Variants in OVCH1 observed in about 807,000 individuals in gnomAD.
The protein encoded by OVCH1 is ovochymase-1.
A neutral mutation model predicts 138.4 loss-of-function variants in OVCH1; 139 were observed. The ratio of observed to expected loss-of-function variants is 1.00; its 90% CI spans 0.87 to 1.16. The LOEUF (loss-of-function observed/expected upper bound fraction) is 1.16, where lower values mean the gene tolerates loss of function less well. OVCH1 is among the 50% of genes most tolerant of loss of function. The pLI, the probability that OVCH1 is intolerant of heterozygous loss-of-function variation, is 0.00. For missense variants in OVCH1, 1,367 were observed against 1,357.9 expected, an observed-to-expected ratio of 1.01 and a Z score of -0.11; for synonymous variants, 453 against 467.8, an observed-to-expected ratio of 0.97 and a Z score of 0.41.
intron 16 of OVCH1, among the ~76,000 whole-genome samples, chr12:29,469,515 C>T (rs952522197): frequency 2.0e-5 from 3 of 152,102 alleles, no homozygotes; most frequent in African/African-American, 7.2e-5. Flanking sequence ...CAGGAACAAG[C>T]TCAGCACATC....
In OVCH1 at chr12:29,453,233, C is replaced by A. The variant is rs568147839; in HGVS notation, c.2530+1608G>T. Among the ~76,000 whole-genome samples the A allele has an allele frequency of 1.1e-3, 167 of 152,262 alleles. 1 individual carries two copies. Among genetic ancestry groups the A allele is most frequent in the African/African-American group, 3.9e-3 (164 of 41,542 alleles). ...ATCCCAAGTCCAGATTTACTTTTAA[C>A]CTAACTCTATGTATCCCCAGCTTTG... On this transcript the variant is annotated intron_variant, in intron 21 of 27. Transcript: ENST00000318184.
intron 16 of OVCH1, among the ~76,000 whole-genome samples, chr12:29,469,157 A>G (rs1942418759): frequency 6.6e-6 from 1 of 152,162 alleles, no homozygotes; most frequent in Non-Finnish European, 1.5e-5. Flanking sequence ...AGGGGGAAAA[A>G]TGTAACTTTA....
chr12:29,437,022 C>T (rs1034722501), intron 26 of OVCH1, among the ~76,000 whole-genome samples: 1 of 152,096 alleles, frequency 6.6e-6, no homozygotes, highest in African/African-American at 2.4e-5. Context: ...CTGACTGGTC[C>T]GTTTTTACAG....
At chr12:29,481,675 T>A (rs1942938954) in intron 8 of OVCH1, among the ~76,000 whole-genome samples, 1 of 152,188 alleles carries the variant, frequency 6.6e-6, no homozygotes, top group African/African-American at 2.4e-5. Flanking sequence ...TCTATGTGTT[T>A]CCTATGACTG....
intron 25 of OVCH1, among the ~76,000 whole-genome samples, chr12:29,440,951 T>C (rs990740674): frequency 2.0e-5 from 3 of 152,184 alleles, no homozygotes; most frequent in Non-Finnish European, 4.4e-5. Flanking sequence ...CTCTGGGCTT[T>C]TACTTCATTA....
intron 19 of OVCH1, among the ~76,000 whole-genome samples, chr12:29,461,532 C>T (rs1439425073): frequency 1.3e-5 from 2 of 152,042 alleles, no homozygotes; most frequent in Admixed American, 1.3e-4. Flanking sequence ...ATTCCTTTTC[C>T]CAAAGCCTTA....
chr12:29,473,440 C>CT (rs370896800), intron 14 of OVCH1, among the ~76,000 whole-genome samples: 13 of 152,166 alleles, frequency 8.5e-5, no homozygotes, highest in African/African-American at 3.1e-4. Flanking sequence ...GTTCATTACT[C>CT]TATTTTTATT....
chr12:29,456,913 T>C (rs1245116517), intron 19 of OVCH1, among the ~76,000 whole-genome samples: 2 of 152,210 alleles, frequency 1.3e-5, no homozygotes, highest in Non-Finnish European at 2.9e-5. Flanking sequence ...ATCAGGTCTT[T>C]TGCAGGAAGT....
At chr12:29,458,633 A>C (rs1942030279) in intron 19 of OVCH1, among the ~76,000 whole-genome samples, 1 of 152,212 alleles carries the variant, frequency 6.6e-6, no homozygotes, top group Non-Finnish European at 1.5e-5. Flanking sequence ...ACCAAAGCAA[A>C]AATGGACACA....
chr12:29,489,974 ACATAGG>A (rs1361587142), intron 5 of OVCH1, among the ~76,000 whole-genome samples: 2 of 152,208 alleles, frequency 1.3e-5, no homozygotes, highest in African/African-American at 4.8e-5. Flanking sequence ...TTTTAAGGTA[ACATAGG>A]CAATTGTACA....
the OVCH1 span, among the ~76,000 whole-genome samples, chr12:29,404,919 C>T: frequency 0.34 from 50,323 of 147,546 alleles, 9,151 homozygotes; most frequent in Middle Eastern, 0.53. Flanking sequence ...CTACTCGGGA[C>T]GCTGAGGCAG....
intron 9 of OVCH1, among the ~76,000 whole-genome samples, chr12:29,478,123 T>C (rs1314693347): frequency 6.6e-6 from 1 of 152,218 alleles, no homozygotes; most frequent in Non-Finnish European, 1.5e-5. Flanking sequence ...AGAGCTTCTA[T>C]CATGGTTAAC....
At chr12:29,455,531 T>C (rs1255389860) in intron 19 of OVCH1, 126 bp from the exon 20 acceptor site, 18 of 1,103,016 alleles carry the variant, frequency 1.6e-5, no homozygotes, top group Middle Eastern at 2.7e-4. Context: ...ATTTGTTTTG[T>C]CAATTTCCAT....
chr12:29,403,876 AC>A, the OVCH1 span, among the ~76,000 whole-genome samples: 6 of 152,204 alleles, frequency 3.9e-5, no homozygotes, highest in Non-Finnish European at 8.8e-5. Flanking sequence ...GTAGAAAAAA[AC>A]AGTACAATTG....
At chr12:29,427,654 A>G in intron 27 of OVCH1, 1 of 1,550,166 alleles carries the variant, frequency 6.5e-7, no homozygotes, top group Non-Finnish European at 8.7e-7. Context: ...ATACTGTGAG[A>G]AATAAATATT....
intron 8 of OVCH1, among the ~76,000 whole-genome samples, chr12:29,484,443 A>G (rs763971256): frequency 3.3e-5 from 5 of 152,196 alleles, no homozygotes; most frequent in African/African-American, 4.8e-5. Context: ...CCAATCAAAA[A>G]ATATCAGATA....
At chr12:29,449,321 T>G (rs372858863) in intron 22 of OVCH1, among the ~76,000 whole-genome samples, 2 of 125,482 alleles carry the variant, frequency 1.6e-5, no homozygotes, top group Non-Finnish European at 3.5e-5. Context: ...ACACACACAC[T>G]CAACCTTAAG....
At chr12:29,471,518 C>T (rs1415637226) in intron 16 of OVCH1, among the ~76,000 whole-genome samples, 1 of 152,166 alleles carries the variant, frequency 6.6e-6, no homozygotes, top group Non-Finnish European at 1.5e-5. Context: ...AAGAACCTGA[C>T]TTAGTTTTGG....
chr12:29,479,824 CTTTTTTTTT>C (rs34551074), intron 8 of OVCH1, among the ~76,000 whole-genome samples: 10 of 128,384 alleles, frequency 7.8e-5, no homozygotes, highest in East Asian at 2.3e-4. Flanking sequence ...TCTTTTTTTT[CTTTTTTTTT>C]TTTTTTTTGA....
Sources: allele counts gnomAD v4.1 joint callset (sites outside exome capture counted in the v4.1 genomes callset), GRCh38; gene constraint gnomAD v4.1.1; transcripts MANE v1.5; gene names NCBI Gene and HGNC (gene_info 2026-07-23, HGNC 2026-07-21).